Variants in PRDM10 observed in about 807,000 individuals in gnomAD.
The protein encoded by PRDM10 is PR/SET domain 10.
PRDM10 carries 65 observed loss-of-function variants against 133.1 expected under a neutral mutation model. The observed-to-expected ratio is 0.49, with a 90% CI of 0.40 to 0.60. The LOEUF is 0.60. Ranked by LOEUF, PRDM10 falls within the 20% of genes least tolerant of loss-of-function variation. The probability of loss-of-function intolerance (pLI) is 0.00; values close to 1 mark genes in which losing one functional copy is unlikely to be tolerated. For missense variants in PRDM10, 1,137 were observed against 1,507.1 expected (o/e 0.75, Z 4.07); for synonymous variants, 582 against 580.4 (o/e 1.00, Z -0.04).
At chr11:129,938,372 T>A (rs12283865) in intron 7 of PRDM10, among the ~76,000 whole-genome samples, 4,735 of 152,256 alleles carry the variant, frequency 0.031, 216 homozygotes, top group African/African-American at 0.099. Context: ...GCTTTCCAAC[T>A]CACACCTCCA....
chr11:129,999,209 A>G (rs576418519), intron 1 of PRDM10, among the ~76,000 whole-genome samples: 1 of 152,334 alleles, frequency 6.6e-6, no homozygotes, highest in South Asian at 2.1e-4. Flanking sequence ...GTTTAATGCT[A>G]GAACAGCGAA....
intron 20 of PRDM10, among the ~76,000 whole-genome samples, chr11:129,904,052 G>A (rs1157512383): frequency 6.8e-6 from 1 of 146,654 alleles, no homozygotes; most frequent in African/African-American, 2.5e-5. Context: ...ATTCGTTACT[G>A]TTTTCACTGA....
intron 1 of PRDM10, among the ~76,000 whole-genome samples, chr11:130,001,764 G>A (rs1336909319): frequency 1.3e-5 from 2 of 152,148 alleles, no homozygotes; most frequent in East Asian, 3.9e-4. Flanking sequence ...GCTGGCGAGG[G>A]GCTGGAGAGG....
intron 6 of PRDM10, among the ~76,000 whole-genome samples, chr11:129,944,040 C>T (rs1035054431): frequency 6.6e-6 from 1 of 151,864 alleles, no homozygotes; most frequent in Non-Finnish European, 1.5e-5. Flanking sequence ...TAAGAAGGGG[C>T]GATTAGGACG....
chr11:129,905,192 T>C (rs1406361144), intron 20 of PRDM10, among the ~76,000 whole-genome samples: 4 of 151,846 alleles, frequency 2.6e-5, no homozygotes, highest in Admixed American at 6.6e-5. Flanking sequence ...TGAAACCCCA[T>C]CTCTACTAAA....
chr11:129,931,396 G>A (rs1465697255), intron 10 of PRDM10, 138 bp from the exon 11 acceptor site: 1 of 1,192,344 alleles, frequency 8.4e-7, no homozygotes, highest in African/African-American at 1.5e-5. Flanking sequence ...AGTTAATTAG[G>A]TAACTATGCA....
At chr11:129,909,486 A>G (rs1950118790) in intron 19 of PRDM10, among the ~76,000 whole-genome samples, 1 of 152,072 alleles carries the variant, frequency 6.6e-6, no homozygotes, top group African/African-American at 2.4e-5. Flanking sequence ...AAAAATAACT[A>G]GACGGTAGAG....
At chr11:129,927,449 T>A (rs1392005663) in intron 11 of PRDM10, among the ~76,000 whole-genome samples, 1 of 152,138 alleles carries the variant, frequency 6.6e-6, no homozygotes, top group Admixed American at 6.5e-5. Flanking sequence ...TTATCCAAGT[T>A]CATTGAAGTG....
chr11:129,990,659 G>A (rs940656159), intron 1 of PRDM10, among the ~76,000 whole-genome samples: 2 of 151,836 alleles, frequency 1.3e-5, no homozygotes, highest in Non-Finnish European at 2.9e-5. Context: ...TTGTAGAGAC[G>A]GAGGTCTAGC....
chr11:129,918,690 T>C lies in PRDM10; in HGVS notation c.2063A>G (p.Gln688Arg). 6.2e-7 allele frequency: 1 copy of C among 1,613,890 alleles called. No homozygotes were observed. Among genetic ancestry groups the C allele is most frequent in the Non-Finnish European group, 8.5e-7 (1 of 1,179,852 alleles). The change falls in exon 14 of 21, where the codon CAG becomes CGG. Residue 688 changes from glutamine (Q) to arginine (R), a missense_variant. Physicochemically the swap from Gln to Arg is conservative, Grantham distance 43. Around this residue, in one of 6 missense-constraint regions of PRDM10, gnomAD observed 78 missense variants for 96.4 expected, o/e 0.81. Transcript: ENST00000360871. This position sits in a 1 kb window ranked among gnomAD's most constrained non-coding sequence, Gnocchi z 5.3. ...KRKDKLREHMQRMHNPEREAK... is the reference protein window; with the variant it reads ...KRKDKLREHMRRMHNPEREAK... Reference sequence around the variant, plus strand: ...CTCCCTCTCAGGATTATGCATCCTCTGCATGTGTTCCCGTAGTTTGTCTTT... The same window carrying C: ...CTCCCTCTCAGGATTATGCATCCTCCGCATGTGTTCCCGTAGTTTGTCTTT...
chr11:129,977,038 C>T (rs1205724530), intron 1 of PRDM10, among the ~76,000 whole-genome samples: 1 of 152,022 alleles, frequency 6.6e-6, no homozygotes, highest in Non-Finnish European at 1.5e-5. Context: ...TCACGTGCCC[C>T]TCACCCCCAC....
At chr11:129,992,331 C>T (rs560171343) in intron 1 of PRDM10, among the ~76,000 whole-genome samples, 1 of 152,316 alleles carries the variant, frequency 6.6e-6, no homozygotes, top group Admixed American at 6.5e-5. Context: ...GCACCTATCC[C>T]GTGCCAGGCA....
At chr11:129,948,883 G>A (rs1210103655) in intron 4 of PRDM10, among the ~76,000 whole-genome samples, 1 of 152,116 alleles carries the variant, frequency 6.6e-6, no homozygotes, top group Non-Finnish European at 1.5e-5. Context: ...TCCTGAACTT[G>A]CAGATAACTA....
At chr11:129,908,121 A>G (rs1456851613) in intron 19 of PRDM10, among the ~76,000 whole-genome samples, 1 of 152,026 alleles carries the variant, frequency 6.6e-6, no homozygotes, top group African/African-American at 2.4e-5. Context: ...TACAGAAAAA[A>G]TTACTGTCAT....
intron 1 of PRDM10, among the ~76,000 whole-genome samples, chr11:129,999,102 T>C (rs926797379): frequency 3.3e-5 from 5 of 152,028 alleles, no homozygotes; most frequent in African/African-American, 1.2e-4. Context: ...GGATTACAGG[T>C]GTGAGCCACC....
At chr11:129,912,621 A>G (rs996684671) in intron 17 of PRDM10, among the ~76,000 whole-genome samples, 1 of 151,718 alleles carries the variant, frequency 6.6e-6, no homozygotes, top group Non-Finnish European at 1.5e-5. Flanking sequence ...GTGTGGCGGC[A>G]GGCACCTGTA....
intron 1 of PRDM10, among the ~76,000 whole-genome samples, chr11:129,996,452 T>G (rs1327631706): frequency 6.6e-6 from 1 of 152,192 alleles, no homozygotes; most frequent in Non-Finnish European, 1.5e-5. Context: ...AAAGTTATAT[T>G]AATTGAAATT....
intron 4 of PRDM10, chr11:129,948,168 G>A: frequency 2.3e-6 from 1 of 436,482 alleles, no homozygotes; most frequent in Non-Finnish European, 4.6e-6. Context: ...CAAATATCCT[G>A]GCAGAAAATA....
At chr11:129,994,010 T>A (rs988043878) in intron 1 of PRDM10, among the ~76,000 whole-genome samples, 2 of 152,226 alleles carry the variant, frequency 1.3e-5, no homozygotes, top group Non-Finnish European at 2.9e-5. Flanking sequence ...GTGCTCTTCA[T>A]TTATTTAGGT....
Sources: gnomAD v4.1 joint callset for allele counts (sites outside exome capture counted in the v4.1 genomes callset) on GRCh38, gnomAD v4.1.1 for gene constraint, gnomAD v4.1.1 regional missense constraint, Gnocchi (gnomAD v3.1) non-coding constraint, MANE v1.5 for transcripts, NCBI Gene and HGNC (gene_info 2026-07-23, HGNC 2026-07-21) for gene names.